TLL1: variants seen among roughly 807,000 people sequenced by gnomAD.
The protein encoded by TLL1 is tolloid like 1.
TLL1 carries 49 observed loss-of-function variants against 128.2 expected under a neutral mutation model. That is an observed-to-expected ratio of 0.38 (90% confidence interval 0.30 to 0.48). TLL1 has a LOEUF of 0.48. Among genes scored for constraint, TLL1 ranks in the 20% least tolerant of loss-of-function variants. The pLI is 0.96. For synonymous variants in TLL1, 454 were observed against 418.8 expected, an observed-to-expected ratio of 1.08 and a Z score of -1.03; for missense variants, 1,123 against 1,242.0, an observed-to-expected ratio of 0.90 and a Z score of 1.44.
chr4:165,988,349 C>G (rs1486949286), intron 1 of TLL1, among the ~76,000 whole-genome samples: 1 of 152,132 alleles, frequency 6.6e-6, no homozygotes, highest in African/African-American at 2.4e-5. Context: ...GTTGCTCACT[C>G]CTGCAATCCC....
At chr4:166,039,318 T>A in intron 9 of TLL1, 21 bp from the exon 10 acceptor site, 1 of 1,546,750 alleles carries the variant, frequency 6.5e-7, no homozygotes, top group Non-Finnish European at 8.9e-7. Flanking sequence ...ACTCTGTGGG[T>A]TGCTTACCTC....
intron 1 of TLL1, among the ~76,000 whole-genome samples, chr4:165,913,633 C>A (rs1466475896): frequency 2.0e-5 from 3 of 152,096 alleles, no homozygotes; most frequent in African/African-American, 4.8e-5. Flanking sequence ...CTCTTAATAG[C>A]CATTTAAACT....
At chr4:166,009,131 A>C (rs1440769779) in intron 7 of TLL1, among the ~76,000 whole-genome samples, 1 of 151,478 alleles carries the variant, frequency 6.6e-6, no homozygotes, top group Non-Finnish European at 1.5e-5. Flanking sequence ...TTTTTTCTAG[A>C]ATATGAATTT....
At chr4:165,962,274 C>T (rs990621056) in intron 1 of TLL1, among the ~76,000 whole-genome samples, 1 of 152,266 alleles carries the variant, frequency 6.6e-6, no homozygotes, top group Admixed American at 6.5e-5. Flanking sequence ...CATTAACAGA[C>T]ACTTCTCAAA....
At chr4:166,092,510 AC>A (rs1171018017) in intron 19 of TLL1, among the ~76,000 whole-genome samples, 2 of 152,096 alleles carry the variant, frequency 1.3e-5, no homozygotes, top group Admixed American at 1.3e-4. Flanking sequence ...GAGATTTTCC[AC>A]ACATTTGACA....
At chr4:165,909,882 A>G (rs1579473695) in intron 1 of TLL1, among the ~76,000 whole-genome samples, 2 of 152,186 alleles carry the variant, frequency 1.3e-5, no homozygotes, top group East Asian at 3.9e-4. Context: ...GGTTACATGT[A>G]GTTTTGCAAG....
chr4:166,100,598 A>G (rs77308704), intron 20 of TLL1, 144 bp from the exon 21 acceptor site: 69,030 of 1,065,522 alleles, frequency 0.065, 2,465 homozygotes, highest in Middle Eastern at 0.12. Flanking sequence ...AAAGTGAAGA[A>G]GTTGATTACA....
intron 1 of TLL1, among the ~76,000 whole-genome samples, chr4:165,910,916 A>G (rs1328330328): frequency 6.6e-6 from 1 of 152,122 alleles, no homozygotes; most frequent in Non-Finnish European, 1.5e-5. Context: ...TAGACACATA[A>G]TATTGGTACA....
In TLL1 at chr4:165,920,082, T is replaced by C. The variant is rs944623808; in HGVS notation, c.169+46009T>C. 7 of 213,710 alleles carry C rather than the reference T, an allele frequency of 3.3e-5. No individual in the cohort carries two copies. The East Asian group carries it at 5.9e-4, about 18-fold the overall frequency. 13.2% of individuals were successfully genotyped at this position (213,710 alleles called of 1,614,324 possible). A position where few individuals can be genotyped will look rare whatever the true frequency, so the allele number is the denominator to read the frequency against. On this transcript the variant is annotated intron_variant, in intron 1 of 20. Transcript: ENST00000061240. ...CTGCCATTGACCTAAAATAAAACTT[T>C]AGAAGTGTTTCTCAAGTAATAAATG...
At chr4:166,061,395 C>T (rs1006251010) in intron 15 of TLL1, among the ~76,000 whole-genome samples, 9 of 151,570 alleles carry the variant, frequency 5.9e-5, no homozygotes, top group South Asian at 2.1e-4. Flanking sequence ...TACAGGCATG[C>T]GCCACCACAC....
Position 166,103,436 on chromosome 4 carries a change from G to T in TLL1, c.*2560G>T, listed in dbSNP as rs142238991. 6 of 151,780 alleles carry T rather than the reference G, an allele frequency of 4.0e-5. No individual in the cohort carries two copies. Among genetic ancestry groups the T allele is most frequent in the African/African-American group, 1.4e-4 (6 of 41,470 alleles). 9.4% of individuals were successfully genotyped at this position (151,780 alleles called of 1,614,324 possible). The stretch of plus-strand genomic sequence containing the variant: ...GAAAATAAATATATTAAATTATTTT[G>T]CCTGATGTGGTAGGGGAAATGTATT... On this transcript the variant is annotated 3_prime_UTR_variant, in exon 21 of 21. Transcript: ENST00000061240.
Position 165,907,245 on chromosome 4 carries a change from C to T in TLL1, c.169+33172C>T, listed in dbSNP as rs190423673. 1.8e-3 allele frequency among the ~76,000 whole-genome samples: 269 copies of T among 151,830 alleles called. 1 individual carries two copies. Among genetic ancestry groups the T allele is most frequent in the African/African-American group, 6.0e-3 (251 of 41,502 alleles). On this transcript the variant is annotated intron_variant, in intron 1 of 20. Transcript: ENST00000061240. ...TTTGTTAAAAGACTGTCTTTGGACT[C>T]AAGCCATATTTTTTTTTGTTTTTTA...
At chr4:166,042,220 T>G (rs886662171) in intron 11 of TLL1, 77 bp downstream of exon 11, 2 of 923,030 alleles carry the variant, frequency 2.2e-6, no homozygotes, top group Non-Finnish European at 3.6e-6. Context: ...TTCATTACAA[T>G]GACATTGTGA....
intron 1 of TLL1, among the ~76,000 whole-genome samples, chr4:165,903,733 T>TCA (rs5863787): frequency 0.055 from 7,987 of 144,776 alleles, 519 homozygotes; most frequent in African/African-American, 0.17. Context: ...TAAGTTCTTA[T>TCA]CACACACACA....
At chr4:166,044,150 G>A (rs1739358474) in intron 12 of TLL1, among the ~76,000 whole-genome samples, 1 of 152,134 alleles carries the variant, frequency 6.6e-6, no homozygotes, top group South Asian at 2.1e-4. Flanking sequence ...AGCTGAAGTG[G>A]AGAAGAACAA....
intron 16 of TLL1, among the ~76,000 whole-genome samples, chr4:166,066,573 C>T (rs948911900): frequency 3.3e-5 from 5 of 151,740 alleles, no homozygotes; most frequent in Admixed American, 3.3e-4. Flanking sequence ...CAATTTAGAG[C>T]AACTGAATTC....
At chr4:165,966,128 A>G (rs1331456572) in intron 1 of TLL1, among the ~76,000 whole-genome samples, 1 of 150,066 alleles carries the variant, frequency 6.7e-6, no homozygotes, top group African/African-American at 2.5e-5. Context: ...CAGTGAGCTC[A>G]GATTGTGCCA....
At chr4:166,055,816 G>A (rs1739978911) in intron 13 of TLL1, among the ~76,000 whole-genome samples, 1 of 152,016 alleles carries the variant, frequency 6.6e-6, no homozygotes, top group Non-Finnish European at 1.5e-5. Flanking sequence ...TATGTATTGT[G>A]AGGTGAAAGG....
At chr4:165,892,127 A>T (rs1355412511) in intron 1 of TLL1, among the ~76,000 whole-genome samples, 1 of 152,242 alleles carries the variant, frequency 6.6e-6, no homozygotes, top group Non-Finnish European at 1.5e-5. Context: ...TTGTAAAACT[A>T]TCACAGCTCA....
Sources: allele counts gnomAD v4.1 joint callset (sites outside exome capture counted in the v4.1 genomes callset), GRCh38; gene constraint gnomAD v4.1.1; transcripts MANE v1.5; gene names NCBI Gene and HGNC (gene_info 2026-07-23, HGNC 2026-07-21).